The following AMPH variants were observed in gnomAD, a reference collection of about 807,000 sequenced individuals.
The protein encoded by AMPH is amphiphysin (Stiff-Mann syndrome with breast cancer 128kD autoantigen).
Under a neutral mutation model 99.1 loss-of-function variants are expected in AMPH, and 49 were observed. The observed-to-expected ratio is 0.49, with a 90% confidence interval of 0.39 to 0.63. The LOEUF is 0.63. Ranked by LOEUF, AMPH falls within the 20% of genes least tolerant of loss-of-function variation. The pLI is 0.00. For missense variants in AMPH, 759 were observed against 863.4 expected, an observed-to-expected ratio of 0.88 and a Z score of 1.52; for synonymous variants, 314 against 317.3, an observed-to-expected ratio of 0.99 and a Z score of 0.11.
intron 5 of AMPH, among the ~76,000 whole-genome samples, chr7:38,483,047 T>C (rs1020457680): frequency 6.6e-6 from 1 of 152,122 alleles, no homozygotes; most frequent in Non-Finnish European, 1.5e-5. Flanking sequence ...ACATTCTTGC[T>C]ATCCCTAGCA....
At chr7:38,499,774 ATGTGTTGT>A (rs1789064757) in intron 3 of AMPH, among the ~76,000 whole-genome samples, 1 of 152,120 alleles carries the variant, frequency 6.6e-6, no homozygotes, top group East Asian at 1.9e-4. Context: ...AATAATCTCC[ATGTGTTGT>A]GGGAGGGACC....
At chr7:38,570,684 T>C (rs753892927) in intron 1 of AMPH, among the ~76,000 whole-genome samples, 1 of 146,788 alleles carries the variant, frequency 6.8e-6, no homozygotes, top group Non-Finnish European at 1.5e-5. Flanking sequence ...TTCTTATCAT[T>C]AGGGTGAATT....
At chr7:38,432,792 T>C (rs1005597900) in intron 12 of AMPH, among the ~76,000 whole-genome samples, 2 of 152,076 alleles carry the variant, frequency 1.3e-5, no homozygotes, top group Non-Finnish European at 1.5e-5. Context: ...TTCTTCAATA[T>C]GTTAAATTAG....
chr7:38,401,181 T>C (rs1936280262), intron 17 of AMPH, among the ~76,000 whole-genome samples: 1 of 152,190 alleles, frequency 6.6e-6, no homozygotes, highest in African/African-American at 2.4e-5. Context: ...GTGAGAAAGA[T>C]CTTTGGTTTG....
At chr7:38,535,083 T>C (rs1354197675) in intron 1 of AMPH, 72 bp from the exon 2 acceptor site, 14 of 1,349,956 alleles carry the variant, frequency 1.0e-5, no homozygotes, top group Non-Finnish European at 1.5e-5. Flanking sequence ...TTTCTGTTAA[T>C]GGAGCAAGGC....
chr7:38,615,699 C>T (rs1009091297), intron 1 of AMPH, among the ~76,000 whole-genome samples: 7 of 152,184 alleles, frequency 4.6e-5, no homozygotes, highest in Admixed American at 1.3e-4. Context: ...GCCCCTCTCA[C>T]CAGCCTAGGG....
intron 1 of AMPH, among the ~76,000 whole-genome samples, chr7:38,546,932 C>T (rs560709766): frequency 1.6e-4 from 24 of 152,278 alleles, no homozygotes; most frequent in East Asian, 1.9e-4. Flanking sequence ...CCCTAAGAAC[C>T]GCATCCTGCC....
chr7:38,592,114 G>T (rs1792879237), intron 1 of AMPH, among the ~76,000 whole-genome samples: 1 of 152,212 alleles, frequency 6.6e-6, no homozygotes. Flanking sequence ...AAAGGGATAG[G>T]CTCTGGCTAG....
intron 1 of AMPH, among the ~76,000 whole-genome samples, chr7:38,557,048 T>G (rs74747937): frequency 0.067 from 10,178 of 152,150 alleles, 440 homozygotes; most frequent in East Asian, 0.23. Flanking sequence ...GCAACAGGGA[T>G]CCCTTGAGGA....
At position 38,489,372 on chromosome 7, in the gene AMPH, C is replaced by A. The variant is rs143715738; in HGVS notation, c.396+1678G>T. Among the ~76,000 whole-genome samples, 9 of 151,532 alleles carry A rather than the reference C, an allele frequency of 5.9e-5. No individual in the cohort carries two copies. The East Asian group carries it at 1.7e-3, about 29-fold the overall frequency. On this transcript the variant is annotated intron_variant, in intron 5 of 20. Transcript: ENST00000356264. ...ATGGATTAAAGACCTGAATTGTAAG[C>A]TCTGAAACTGTAAAACTCCTAGAAG...
chr7:38,405,509 T>C (rs1338283921), intron 17 of AMPH, among the ~76,000 whole-genome samples: 1 of 152,150 alleles, frequency 6.6e-6, no homozygotes, highest in Non-Finnish European at 1.5e-5. Flanking sequence ...CTGGAAATGA[T>C]ATATGATGCA....
At chr7:38,546,021 C>A (rs1790984412) in intron 1 of AMPH, among the ~76,000 whole-genome samples, 1 of 152,184 alleles carries the variant, frequency 6.6e-6, no homozygotes, top group African/African-American at 2.4e-5. Context: ...CTGGTAATGA[C>A]TCCTAGTTGA....
rs368172472 is a variant in AMPH, at chr7:38,569,405, C to T, written c.70-34394G>A. The stretch of plus-strand genomic sequence containing the variant: ...TGTGTATTCATATCTATCTATATTA[C>T]AAATATCGTATTTGTGTGATTATAC... On this transcript the variant is annotated intron_variant, in intron 1 of 20. Transcript: ENST00000356264. 1.9e-3 allele frequency among the ~76,000 whole-genome samples: 295 copies of T among 151,858 alleles called. 3 individuals are homozygous for T. The highest frequency in any genetic ancestry group is 2.9e-3 in the South Asian group (14 of 4,814).
intron 1 of AMPH, among the ~76,000 whole-genome samples, chr7:38,582,295 A>T (rs1014041723): frequency 8.5e-5 from 13 of 152,226 alleles, no homozygotes; most frequent in African/African-American, 2.9e-4. Context: ...TAATTAAACA[A>T]GGTGGAGGTC....
chr7:38,616,058 C>T (rs891473768), intron 1 of AMPH, among the ~76,000 whole-genome samples: 37 of 152,148 alleles, frequency 2.4e-4, no homozygotes, highest in Non-Finnish European at 1.0e-4. Context: ...GAATATAGCA[C>T]ACCAAAGAAC....
intron 2 of AMPH, among the ~76,000 whole-genome samples, chr7:38,522,206 T>G (rs753672563): frequency 1.7e-4 from 26 of 152,200 alleles, no homozygotes; most frequent in Non-Finnish European, 3.4e-4. Flanking sequence ...TATTAAAGCC[T>G]AAAAAGCAAA....
At chr7:38,433,664 G>T in intron 12 of AMPH, among the ~76,000 whole-genome samples, 1 of 78,452 alleles carries the variant, frequency 1.3e-5, no homozygotes, top group East Asian at 4.8e-4. Context: ...GGCGGAGCTT[G>T]CAGTGAGCCG....
chr7:38,478,431 C>G (rs924259397), intron 5 of AMPH, among the ~76,000 whole-genome samples: 18 of 152,150 alleles, frequency 1.2e-4, no homozygotes, highest in African/African-American at 3.9e-4. Context: ...CCCAATGCAG[C>G]TCAGGTCCTG....
chr7:38,385,020 G>T, intron 20 of AMPH, 95 bp from the exon 21 acceptor site: 2 of 1,145,996 alleles, frequency 1.7e-6, no homozygotes, highest in South Asian at 2.7e-5. Flanking sequence ...TAGTGTTGTG[G>T]TTCTGAACCA....
Sources: gnomAD v4.1 joint callset for allele counts (sites outside exome capture counted in the v4.1 genomes callset) on GRCh38, gnomAD v4.1.1 for gene constraint, MANE v1.5 for transcripts, NCBI Gene and HGNC (gene_info 2026-07-23, HGNC 2026-07-21) for gene names.